The following MTUS2 variants were observed in gnomAD, a reference collection of about 807,000 sequenced individuals.
MTUS2 encodes microtubule associated scaffold protein 2.
In MTUS2, 40 loss-of-function variants were observed where a neutral mutation model predicts 114.1. The observed-to-expected ratio is 0.35, with a 90% CI of 0.27 to 0.46. The LOEUF (loss-of-function observed/expected upper bound fraction) is 0.46, where lower values mean the gene tolerates loss of function less well. MTUS2 is among the 20% of genes least tolerant of loss of function. MTUS2 has a pLI of 1.00. For missense variants in MTUS2, 1,679 were observed against 1,705.4 expected (o/e 0.98, Z 0.27); for synonymous variants, 688 against 672.0 (o/e 1.02, Z -0.37).
chr13:29,183,317 A>G (rs1894084646), intron 5 of MTUS2, among the ~76,000 whole-genome samples: 1 of 152,052 alleles, frequency 6.6e-6, no homozygotes, highest in South Asian at 2.1e-4. Context: ...GATCTGAACA[A>G]CTGGAAGGAT....
chr13:28,836,966 G>GC (rs1046842431), intron 1 of MTUS2, among the ~76,000 whole-genome samples: 4 of 152,166 alleles, frequency 2.6e-5, no homozygotes, highest in African/African-American at 9.7e-5. Context: ...TTTCAGATCT[G>GC]CCCCCCTTAG....
intron 2 of MTUS2, among the ~76,000 whole-genome samples, chr13:28,852,236 AC>A (rs775583936): frequency 5.3e-5 from 8 of 151,758 alleles, no homozygotes; most frequent in Non-Finnish European, 1.2e-4. Flanking sequence ...CTTTATTCTG[AC>A]TTATTTTCTT....
At chr13:29,159,890 G>A (rs537771589) in intron 5 of MTUS2, among the ~76,000 whole-genome samples, 16 of 152,310 alleles carry the variant, frequency 1.1e-4, no homozygotes, top group Non-Finnish European at 1.8e-4. Context: ...CTGTGTTGCC[G>A]GTGAGAATGT....
rs148624351 is a variant in MTUS2 at position 29,264,280 on chromosome 13, G to A, written c.2645-17424G>A. Among the ~76,000 whole-genome samples, 11 of 152,342 alleles carry A rather than the reference G, an allele frequency of 7.2e-5. No homozygotes were observed. In the East Asian group the frequency reaches 1.4e-3, roughly 19 times the overall value. ...ATGGGGTGAGCTCCCAAGGCCTTAG[G>A]TAGCTCCCCCACTGTGGCTTTGCAG... On this transcript the variant is annotated intron_variant, in intron 5 of 15. Coordinates refer to ENST00000612955, the MANE Select transcript of MTUS2 (RefSeq NM_001033602.4).
At chr13:29,321,527 C>A (rs1900254793) in intron 6 of MTUS2, among the ~76,000 whole-genome samples, 1 of 152,186 alleles carries the variant, frequency 6.6e-6, no homozygotes, top group South Asian at 2.1e-4. Flanking sequence ...GCCTTGTGTT[C>A]CTATGGTAAG....
chr13:28,979,251 A>T (rs4768989), intron 2 of MTUS2, among the ~76,000 whole-genome samples: 1 of 152,134 alleles, frequency 6.6e-6, no homozygotes, highest in Non-Finnish European at 1.5e-5. Flanking sequence ...TCTGACTTCC[A>T]TGGCCAAATT....
intron 5 of MTUS2, among the ~76,000 whole-genome samples, chr13:29,184,538 G>T (rs1346341650): frequency 6.6e-6 from 1 of 152,180 alleles, no homozygotes; most frequent in African/African-American, 2.4e-5. Context: ...CTAATGTGGA[G>T]TTGTAGACTT....
At chr13:28,868,877 C>G in intron 2 of MTUS2, among the ~76,000 whole-genome samples, 1 of 152,132 alleles carries the variant, frequency 6.6e-6, no homozygotes, top group Non-Finnish European at 1.5e-5. Flanking sequence ...TCAGACTAGA[C>G]TTTGGGAAGC....
intron 9 of MTUS2, among the ~76,000 whole-genome samples, chr13:29,452,718 A>G (rs1440141823): frequency 6.6e-6 from 1 of 151,976 alleles, no homozygotes; most frequent in African/African-American, 2.4e-5. Context: ...TGCTGGGATT[A>G]CAGATGTGAG....
intron 8 of MTUS2, among the ~76,000 whole-genome samples, chr13:29,424,456 G>A (rs886728100): frequency 1.3e-5 from 2 of 152,102 alleles, no homozygotes; most frequent in African/African-American, 4.8e-5. Context: ...AGAACATTAT[G>A]TTGCAGTCCC....
intron 4 of MTUS2, among the ~76,000 whole-genome samples, chr13:29,045,840 T>G (rs1305912749): frequency 6.6e-6 from 1 of 152,162 alleles, no homozygotes; most frequent in African/African-American, 2.4e-5. Context: ...AGGATTTCTC[T>G]CCCCTCCTGG....
chr13:29,261,186 C>T (rs962965554), intron 5 of MTUS2, among the ~76,000 whole-genome samples: 1 of 152,186 alleles, frequency 6.6e-6, no homozygotes, highest in African/African-American at 2.4e-5. Context: ...GTTGACATAC[C>T]TCCTTAAGGC....
intron 5 of MTUS2, among the ~76,000 whole-genome samples, chr13:29,151,603 A>C (rs1892666597): frequency 6.6e-6 from 1 of 152,154 alleles, no homozygotes. Context: ...AGGCATCCTT[A>C]TCTTGTTCCA....
chr13:29,120,915 A>G (rs1444392445), intron 5 of MTUS2, among the ~76,000 whole-genome samples: 2 of 152,260 alleles, frequency 1.3e-5, no homozygotes, highest in Non-Finnish European at 2.9e-5. Flanking sequence ...GCTTATGTTC[A>G]GAAAAGATTT....
chr13:29,431,963 G>A (rs1334281551), intron 8 of MTUS2, among the ~76,000 whole-genome samples: 1 of 150,676 alleles, frequency 6.6e-6, no homozygotes, highest in Admixed American at 6.6e-5. Context: ...TCCCACCTCA[G>A]CTTCCCAAGT....
intron 8 of MTUS2, among the ~76,000 whole-genome samples, chr13:29,388,261 A>T (rs1004917306): frequency 6.6e-6 from 1 of 152,072 alleles, no homozygotes; most frequent in Non-Finnish European, 1.5e-5. Flanking sequence ...TGCTAATATC[A>T]CCAGTGGGAA....
intron 9 of MTUS2, among the ~76,000 whole-genome samples, chr13:29,447,092 A>G (rs1218142178): frequency 6.6e-6 from 1 of 151,836 alleles, no homozygotes; most frequent in African/African-American, 2.4e-5. Context: ...ATGCTCAACT[A>G]GTAAGTATAA....
intron 2 of MTUS2, among the ~76,000 whole-genome samples, chr13:28,842,766 A>G (rs1422129880): frequency 1.1e-4 from 17 of 152,214 alleles, no homozygotes; most frequent in Non-Finnish European, 2.9e-5. Flanking sequence ...ATGTTAGATT[A>G]GGTATAGAGC....
intron 2 of MTUS2, among the ~76,000 whole-genome samples, chr13:28,965,636 TAA>T (rs1566257083): frequency 6.6e-6 from 1 of 152,152 alleles, no homozygotes; most frequent in Non-Finnish European, 1.5e-5. Context: ...ATATATATGA[TAA>T]GAGAGGTTTA....
Sources: allele counts gnomAD v4.1 joint callset (sites outside exome capture counted in the v4.1 genomes callset), GRCh38; gene constraint gnomAD v4.1.1; transcripts MANE v1.5; gene names NCBI Gene and HGNC (gene_info 2026-07-23, HGNC 2026-07-21).